Variants in PFDN1 observed in about 807,000 individuals in gnomAD.
PFDN1 encodes prefoldin subunit 1, also known as prefoldin 1.
PFDN1 carries 6 observed loss-of-function variants against 17.3 expected under a neutral mutation model. The observed-to-expected ratio is 0.35, with a 90% confidence interval of 0.19 to 0.69. The LOEUF is 0.69. Ranked by LOEUF, PFDN1 falls within the 30% of genes least tolerant of loss-of-function variation. PFDN1 has a pLI of 0.65. For missense variants in PFDN1, 113 were observed against 146.2 expected (o/e 0.77, Z 1.17); for synonymous variants, 58 against 50.1 (o/e 1.16, Z -0.67).
chr5:140,277,403 G>T, intron 3 of PFDN1, among the ~76,000 whole-genome samples: 1 of 152,092 alleles, frequency 6.6e-6, no homozygotes, highest in Non-Finnish European at 1.5e-5. Flanking sequence ...TACTGCAGAT[G>T]GTGGTGGCAG....
chr5:140,297,972 C>T (rs907037104), intron 2 of PFDN1, among the ~76,000 whole-genome samples: 3 of 152,088 alleles, frequency 2.0e-5, no homozygotes, highest in Admixed American at 6.5e-5. Flanking sequence ...TGTTTTAAGA[C>T]CTAAGGATAT....
At chr5:140,253,898 C>T (rs1443313729) in intron 3 of PFDN1, among the ~76,000 whole-genome samples, 2 of 152,156 alleles carry the variant, frequency 1.3e-5, no homozygotes, top group Non-Finnish European at 2.9e-5. Context: ...ATTCTTATGC[C>T]TCGACCCAGA....
intron 2 of PFDN1, among the ~76,000 whole-genome samples, chr5:140,298,853 C>G (rs905273011): frequency 6.6e-6 from 1 of 151,788 alleles, no homozygotes; most frequent in East Asian, 1.9e-4. Context: ...CTCCTGGGTT[C>G]GAGCAGTTCT....
At chr5:140,281,762 G>C in intron 2 of PFDN1, 1 of 405,024 alleles carries the variant, frequency 2.5e-6, no homozygotes, top group Non-Finnish European at 4.5e-6. Context: ...ATCAGGCAGG[G>C]AACAGTGGTG....
intron 3 of PFDN1, among the ~76,000 whole-genome samples, chr5:140,263,618 G>A (rs1247084382): frequency 2.6e-5 from 4 of 152,054 alleles, no homozygotes; most frequent in African/African-American, 7.2e-5. Flanking sequence ...ACCTGACACT[G>A]GGTAATTTAT....
At chr5:140,286,601 G>C (rs1157703261) in intron 2 of PFDN1, among the ~76,000 whole-genome samples, 8 of 10,346 alleles carry the variant, frequency 7.7e-4, no homozygotes, top group Non-Finnish European at 3.7e-3. Flanking sequence ...TTTTTGCGGG[G>C]GGGGGGGGGG....
chr5:140,269,989 T>C (rs1765183503), intron 3 of PFDN1, among the ~76,000 whole-genome samples: 1 of 152,242 alleles, frequency 6.6e-6, no homozygotes, highest in South Asian at 2.1e-4. Flanking sequence ...TTGGATCTTT[T>C]TCTGAGCTGA....
At chr5:140,281,564 C>A (rs775232024) in intron 2 of PFDN1, 31 bp from the exon 3 acceptor site, 23 of 1,082,156 alleles carry the variant, frequency 2.1e-5, no homozygotes, top group East Asian at 9.4e-5. Context: ...GAAAATTAAG[C>A]CACATGACTA....
intron 2 of PFDN1, among the ~76,000 whole-genome samples, chr5:140,294,214 TAAATAAA>T (rs1295023999): frequency 6.6e-6 from 1 of 152,074 alleles, no homozygotes; most frequent in Non-Finnish European, 1.5e-5. Flanking sequence ...TAGTATGCAC[TAAATAAA>T]ATATCCAAAT....
intron 1 of PFDN1, among the ~76,000 whole-genome samples, chr5:140,301,321 T>A (rs1473725307): frequency 6.6e-6 from 1 of 152,242 alleles, no homozygotes. Context: ...AATTGCATCA[T>A]GATCTTCATC....
intron 3 of PFDN1, among the ~76,000 whole-genome samples, chr5:140,277,950 T>C (rs1168172145): frequency 6.6e-6 from 1 of 152,154 alleles, no homozygotes; most frequent in Non-Finnish European, 1.5e-5. Context: ...GGCTCACACC[T>C]GTAATCCCAG....
At chr5:140,257,915 A>G (rs1460349401) in intron 3 of PFDN1, among the ~76,000 whole-genome samples, 1 of 152,216 alleles carries the variant, frequency 6.6e-6, no homozygotes, top group Non-Finnish European at 1.5e-5. Flanking sequence ...TCACAGAGGG[A>G]CTTGAGAACT....
At chr5:140,246,855 T>C (rs1465646123) in intron 3 of PFDN1, among the ~76,000 whole-genome samples, 1 of 152,216 alleles carries the variant, frequency 6.6e-6, no homozygotes, top group Non-Finnish European at 1.5e-5. Context: ...TGTGGCTGTA[T>C]TCCCAGTTAA....
Position 140,258,440 on chromosome 5 carries a change from TAAAA to T in PFDN1, c.286-12387_286-12384del, listed in dbSNP as rs562501324. On this transcript the variant is annotated intron_variant, in intron 3 of 3. Coordinates refer to ENST00000261813, the MANE Select transcript of PFDN1 (RefSeq NM_002622.5). ...TACAATTTTCTGAGAGCTGTACTGT[TAAAA>T]AAAAAAAAAAAAAAAAGCCTGGGAA... 3.6e-3 allele frequency among the ~76,000 whole-genome samples: 433 copies of T among 120,932 alleles called. 2 individuals are homozygous for T. The highest frequency in any genetic ancestry group is 4.1e-3 in the Middle Eastern group (1 of 242). The allele number at this position is 120,932 out of a possible 152,430, so 79.3% of individuals were successfully genotyped here.
intron 2 of PFDN1, among the ~76,000 whole-genome samples, chr5:140,296,113 G>C (rs1231705784): frequency 5.3e-5 from 8 of 152,072 alleles, no homozygotes; most frequent in Non-Finnish European, 1.2e-4. Context: ...ATTTTGGTCA[G>C]ATATAATTTT....
chr5:140,246,157 C>G, intron 3 of PFDN1, 100 bp from the exon 4 acceptor site: 1 of 773,474 alleles, frequency 1.3e-6, no homozygotes, highest in Non-Finnish European at 2.3e-6. Context: ...TCCTTTGTGA[C>G]AGGCAACTTT....
chr5:140,302,923 C>T lies in PFDN1; in HGVS notation c.33+118G>A, dbSNP rs1254109063. On this transcript the variant is annotated intron_variant, in intron 1 of 3. Transcript: ENST00000261813. ...GGCCTTAGGACTCTGGGAAACCATTCCCTAGTCCACTGGACCCTCCTTCCT... is the reference window on the plus strand; with the variant it reads ...GGCCTTAGGACTCTGGGAAACCATTTCCTAGTCCACTGGACCCTCCTTCCT... 2.3e-5 allele frequency: 19 copies of T among 812,898 alleles called. No homozygotes were observed. The East Asian group carries it at 2.4e-4, about 10-fold the overall frequency. The allele number at this position is 812,898 out of a possible 1,614,324, so 50.4% of individuals were successfully genotyped here. A position where few individuals can be genotyped will look rare whatever the true frequency, so the allele number is the denominator to read the frequency against.
At chr5:140,291,966 T>C (rs1765588606) in intron 2 of PFDN1, among the ~76,000 whole-genome samples, 1 of 152,204 alleles carries the variant, frequency 6.6e-6, no homozygotes, top group South Asian at 2.1e-4. Flanking sequence ...CTTGTTCTAG[T>C]AGAGTAACAC....
intron 3 of PFDN1, among the ~76,000 whole-genome samples, chr5:140,265,139 G>A (rs1003606345): frequency 1.3e-5 from 2 of 152,038 alleles, no homozygotes; most frequent in African/African-American, 2.4e-5. Flanking sequence ...TCCACATACA[G>A]AGCACTTGCG....
Sources: allele counts gnomAD v4.1 joint callset (sites outside exome capture counted in the v4.1 genomes callset), GRCh38; gene constraint gnomAD v4.1.1; transcripts MANE v1.5; gene names NCBI Gene and HGNC (gene_info 2026-07-23, HGNC 2026-07-21).